The following ROBO2 variants were observed in gnomAD, a reference collection of about 807,000 sequenced individuals.
ROBO2 encodes roundabout guidance receptor 2, also known as roundabout homolog 2.
A neutral mutation model predicts 160.8 loss-of-function variants in ROBO2; 53 were observed. The observed-to-expected ratio is 0.33, with a 90% CI of 0.26 to 0.41. The LOEUF (loss-of-function observed/expected upper bound fraction) is 0.41, where lower values mean the gene tolerates loss of function less well. Ranked by LOEUF, ROBO2 falls within the 10% of genes least tolerant of loss-of-function variation. The pLI is 1.00. For missense variants in ROBO2, 1,577 were observed against 1,722.4 expected, an observed-to-expected ratio of 0.92 and a Z score of 1.49; for synonymous variants, 664 against 611.7, an observed-to-expected ratio of 1.09 and a Z score of -1.26.
chr3:76,242,473 T>C lies in ROBO2; in HGVS notation c.109+304871T>C, dbSNP rs555055327. The stretch of plus-strand genomic sequence containing the variant: ...CTTCCTGGTAGAATCAGGGAGAAGC[T>C]AGTCTCTAGCTGAAGGCCACATATT... On this transcript the variant is annotated intron_variant, in intron 2 of 26. Coordinates refer to the ROBO2 transcript ENST00000487694. Among the ~76,000 whole-genome samples, 49 of 152,312 alleles carry C rather than the reference T, an allele frequency of 3.2e-4. 1 individual carries two copies. Among genetic ancestry groups the C allele is most frequent in the Admixed American group, 2.7e-3 (42 of 15,298 alleles).
At chr3:77,602,874 T>C in intron 20 of ROBO2, 1 of 464,334 alleles carries the variant, frequency 2.2e-6, no homozygotes, top group South Asian at 1.6e-5. Context: ...ATGTTCTGCA[T>C]GGGCTTGTGC....
chr3:77,090,986 G>A (rs925943891), intron 1 of ROBO2, among the ~76,000 whole-genome samples: 2 of 152,122 alleles, frequency 1.3e-5, no homozygotes, highest in African/African-American at 4.8e-5. Context: ...AATGAACACA[G>A]CATAGAAATT....
chr3:76,282,932 T>C (rs534952734), intron 2 of ROBO2, among the ~76,000 whole-genome samples: 25 of 151,532 alleles, frequency 1.6e-4, no homozygotes, highest in African/African-American at 5.5e-4. Context: ...TTATAGCATT[T>C]ATTTTATTGA....
intron 2 of ROBO2, among the ~76,000 whole-genome samples, chr3:77,458,295 T>A (rs1466182923): frequency 6.6e-6 from 1 of 152,172 alleles, no homozygotes; most frequent in Non-Finnish European, 1.5e-5. Flanking sequence ...GCAGAAAATA[T>A]AACCTATAAG....
chr3:76,634,936 G>C (rs983126142), intron 2 of ROBO2, among the ~76,000 whole-genome samples: 1 of 152,130 alleles, frequency 6.6e-6, no homozygotes, highest in African/African-American at 2.4e-5. Flanking sequence ...TGTGAATTGC[G>C]CATGCAAGGG....
At chr3:76,441,844 C>T (rs1460037528) in intron 2 of ROBO2, among the ~76,000 whole-genome samples, 1 of 152,194 alleles carries the variant, frequency 6.6e-6, no homozygotes, top group Non-Finnish European at 1.5e-5. Flanking sequence ...GCTAGGCTGG[C>T]TTTGTCCCAC....
chr3:77,038,929 G>A (rs913855408), upstream of ROBO2, among the ~76,000 whole-genome samples: 1 of 152,186 alleles, frequency 6.6e-6, no homozygotes, highest in Non-Finnish European at 1.5e-5. Flanking sequence ...CCTTCTGGAG[G>A]TGCTGGTCCC....
intron 2 of ROBO2, among the ~76,000 whole-genome samples, chr3:76,612,904 CT>C (rs1560234959): frequency 6.6e-6 from 1 of 151,984 alleles, no homozygotes; most frequent in African/African-American, 2.4e-5. Flanking sequence ...TACTACTGCT[CT>C]TTTTTGATTT....
At chr3:76,234,602 T>G (rs1412331338) in intron 2 of ROBO2, among the ~76,000 whole-genome samples, 4 of 152,190 alleles carry the variant, frequency 2.6e-5, no homozygotes, top group Non-Finnish European at 5.9e-5. Flanking sequence ...GGTATCTCAT[T>G]GTGGTTTTGA....
chr3:76,382,067 G>A (rs1175634809), intron 2 of ROBO2, among the ~76,000 whole-genome samples: 1 of 152,060 alleles, frequency 6.6e-6, no homozygotes, highest in African/African-American at 2.4e-5. Flanking sequence ...AATGTCCCAG[G>A]CTCAAGTGAT....
intron 2 of ROBO2, among the ~76,000 whole-genome samples, chr3:76,193,473 T>G (rs1702107716): frequency 6.6e-6 from 1 of 152,310 alleles, no homozygotes; most frequent in African/African-American, 2.4e-5. Flanking sequence ...TGATATAAAT[T>G]TCTGTTATCA....
At chr3:76,503,510 A>G (rs1444198301) in intron 2 of ROBO2, among the ~76,000 whole-genome samples, 2 of 152,226 alleles carry the variant, frequency 1.3e-5, no homozygotes, top group African/African-American at 4.8e-5. Context: ...TCCCATGTTC[A>G]TTGCAGCATT....
At chr3:76,957,830 CAAA>C (rs11298062) in intron 2 of ROBO2, among the ~76,000 whole-genome samples, 2 of 125,892 alleles carry the variant, frequency 1.6e-5, no homozygotes. Flanking sequence ...GACTCTGTCT[CAAA>C]AAAAAAAAAA....
At chr3:75,971,470 G>C (rs760927373) in intron 2 of ROBO2, among the ~76,000 whole-genome samples, 23 of 151,408 alleles carry the variant, frequency 1.5e-4, no homozygotes, top group Non-Finnish European at 2.8e-4. Flanking sequence ...CTTTGGTCAA[G>C]CAATTAACCT....
intron 2 of ROBO2, among the ~76,000 whole-genome samples, chr3:76,591,372 G>C (rs1412171655): frequency 6.6e-6 from 1 of 152,016 alleles, no homozygotes. Context: ...GAAAATCCAG[G>C]CATACATGGG....
In ROBO2 at chr3:75,924,681, C is replaced by CTTTTTTTTTTTTTTTTT. The variant is rs60599175; in HGVS notation, c.-13-12792_-13-12776dup. 1.4e-4 allele frequency among the ~76,000 whole-genome samples: 9 copies of CTTTTTTTTTTTTTTTTT among 66,016 alleles called. 1 individual carries two copies. Among genetic ancestry groups the CTTTTTTTTTTTTTTTTT allele is most frequent in the Admixed American group, 5.7e-4 (2 of 3,500 alleles). 43.3% of individuals were successfully genotyped at this position (66,016 alleles called of 152,430 possible). ...AATTATTGGGAATTTATTTTCTTTT[C>CTTTTTTTTTTTTTTTTT]TTTTTTTTTTTTTTTTTTTTTTTTG... is the stretch of plus-strand genomic sequence containing the variant. On this transcript the variant is annotated intron_variant, in intron 1 of 26. Transcript: ENST00000487694.
intron 4 of ROBO2, among the ~76,000 whole-genome samples, chr3:77,482,226 G>A (rs181850326): frequency 2.6e-5 from 4 of 152,092 alleles, no homozygotes; most frequent in Admixed American, 6.5e-5. Context: ...TTTCAGTAGC[G>A]GTAAAATAAT....
chr3:75,975,180 T>C (rs2065104117), intron 2 of ROBO2, among the ~76,000 whole-genome samples: 1 of 151,510 alleles, frequency 6.6e-6, no homozygotes. Flanking sequence ...TTGGTTTATT[T>C]TGTAATTGGG....
intron 2 of ROBO2, among the ~76,000 whole-genome samples, chr3:76,321,500 A>AAC (rs1559760276): frequency 0.09 from 13,531 of 150,348 alleles, 1,226 homozygotes; most frequent in East Asian, 0.4. Context: ...CCATCTCAAA[A>AAC]AACAACAACA....
Sources: gnomAD v4.1 joint callset for allele counts (sites outside exome capture counted in the v4.1 genomes callset) on GRCh38, gnomAD v4.1.1 for gene constraint, MANE v1.5 for transcripts, NCBI Gene and HGNC (gene_info 2026-07-23, HGNC 2026-07-21) for gene names.